ATP1A4: variants seen among roughly 807,000 people sequenced by gnomAD.
ATP1A4 encodes the protein sodium/potassium-transporting ATPase subunit alpha-4.
A neutral mutation model predicts 114.3 loss-of-function variants in ATP1A4; 90 were observed. The observed-to-expected ratio is 0.79, with a 90% CI of 0.66 to 0.94. ATP1A4 has a LOEUF of 0.94. Ranked by LOEUF, ATP1A4 falls within the 40% of genes least tolerant of loss-of-function variation. The pLI is 0.00. For missense variants in ATP1A4, 1,222 were observed against 1,313.6 expected, an observed-to-expected ratio of 0.93 and a Z score of 1.08; for synonymous variants, 511 against 494.1, an observed-to-expected ratio of 1.03 and a Z score of -0.45.
rs1347144668 is a variant in ATP1A4, at chr1:160,171,568, C to A, written c.1682-17C>A. 2 of 1,611,326 alleles carry A rather than the reference C, an allele frequency of 1.2e-6. No homozygotes were observed. Among genetic ancestry groups the A allele is most frequent in the African/African-American group, 1.3e-5 (1 of 74,820 alleles). ...AGTGCTGGATGACTACTGGTCCCTC[C>A]CTCTGTCTCTCTCCAGGCTTCTGCT... On this transcript the variant is annotated splice_polypyrimidine_tract_variant and intron_variant, in intron 11 of 21. Transcript: ENST00000368081.
chr1:160,186,145 A>G (rs1653885155), intron 20 of ATP1A4, 131 bp from the exon 21 acceptor site: 1 of 662,060 alleles, frequency 1.5e-6, no homozygotes, highest in East Asian at 3.3e-5. Context: ...CACTGTCTCC[A>G]GCACCCAGCA....
At chr1:160,180,680 C>T (rs1180630354) in intron 18 of ATP1A4, among the ~76,000 whole-genome samples, 1 of 145,940 alleles carries the variant, frequency 6.9e-6, no homozygotes, top group East Asian at 2.0e-4. Context: ...TATCCCCTGA[C>T]TCTGCCTTCT....
intron 6 of ATP1A4, among the ~76,000 whole-genome samples, chr1:160,162,602 G>A (rs1043099507): frequency 3.9e-5 from 6 of 152,208 alleles, no homozygotes; most frequent in African/African-American, 1.4e-4. Context: ...GTGGCAGGAT[G>A]TTTAACAGCA....
chr1:160,166,292 C>T (rs1238630802), intron 7 of ATP1A4, among the ~76,000 whole-genome samples: 1 of 152,080 alleles, frequency 6.6e-6, no homozygotes, highest in Non-Finnish European at 1.5e-5. Flanking sequence ...CAGAAAAAGA[C>T]ATTTTTTTTA....
chr1:160,186,662 C>G lies in ATP1A4; in HGVS notation c.3062-9C>G, dbSNP rs750771752. ...CTCCCAGTTCACGCTGGCCTCTTCTCTTCCACAGGCTGGGTGGAAAGGGAG... is the reference window on the plus strand; with the variant it reads ...CTCCCAGTTCACGCTGGCCTCTTCTGTTCCACAGGCTGGGTGGAAAGGGAG... On this transcript the variant is annotated splice_polypyrimidine_tract_variant and intron_variant, in intron 21 of 21. Transcript: ENST00000368081. 3.1e-6 allele frequency: 5 copies of G among 1,609,716 alleles called. No homozygotes were observed. In the African/African-American group the frequency reaches 5.3e-5, roughly 17 times the overall value.
Position 160,153,155 on chromosome 1 carries a change from G to A in ATP1A4, c.148-10G>A, listed in dbSNP as rs371935278. On this transcript the variant is annotated splice_polypyrimidine_tract_variant and intron_variant, in intron 1 of 21. Transcript: ENST00000368081. ...CCCCCTGTCCCTCAATGCCTCTACTGTCCCCTCAGGATGATCACAAATTAA... is the reference window on the plus strand; with the variant it reads ...CCCCCTGTCCCTCAATGCCTCTACTATCCCCTCAGGATGATCACAAATTAA... The A allele has an allele frequency of 1.2e-6, 2 of 1,613,370 alleles. No individual in the cohort carries two copies. Among genetic ancestry groups the A allele is most frequent in the African/African-American group, 1.3e-5 (1 of 74,858 alleles).
intron 2 of ATP1A4, 22 bp from the exon 3 acceptor site, chr1:160,155,023 A>G (rs199946625): frequency 1.2e-6 from 2 of 1,609,022 alleles, no homozygotes; most frequent in African/African-American, 2.7e-5. Flanking sequence ...TCTCTATCCA[A>G]CCCTATTTCT....
At chr1:160,185,453 A>G (rs1172510563) in intron 20 of ATP1A4, among the ~76,000 whole-genome samples, 2 of 150,252 alleles carry the variant, frequency 1.3e-5, no homozygotes, top group Admixed American at 1.3e-4. Flanking sequence ...TCTCCTCTCC[A>G]CTCCCGATCA....
At chr1:160,183,999 C>T (rs1054185763) in intron 20 of ATP1A4, among the ~76,000 whole-genome samples, 10 of 146,112 alleles carry the variant, frequency 6.8e-5, no homozygotes, top group Non-Finnish European at 1.5e-4. Flanking sequence ...GTTGCCCAGG[C>T]TGGAGTGCAG....
rs370915731 is a variant in ATP1A4, at chr1:160,176,109, A to G, written c.2329A>G (p.Asn777Asp). 15 of 1,614,026 alleles carry G rather than the reference A, an allele frequency of 9.3e-6. No homozygotes were observed. In the African/African-American group the frequency reaches 1.6e-4, roughly 17 times the overall value. Residue 777 changes from asparagine to aspartate, a missense_variant, in exon 16 of 22, where the codon AAC (asparagine) becomes GAC (aspartate). By Grantham distance (23) the Asn-to-Asp change is conservative. Transcript: ENST00000368081. ...CTCCCCAGGCCGCCTGATCTTTGAC[A>G]ACCTGAAGAAATCCATCATGTACAC... Reference protein sequence around the residue: ...GVEEGRLIFDNLKKSIMYTLT... With the variant: ...GVEEGRLIFDDLKKSIMYTLT...
chr1:160,152,250 A>G, intron 1 of ATP1A4, 63 bp downstream of exon 1: 1 of 1,557,114 alleles, frequency 6.4e-7, no homozygotes, highest in Non-Finnish European at 8.7e-7. Flanking sequence ...ACCTATCTTT[A>G]ACATCTTACC....
chr1:160,155,099 G>C lies in ATP1A4; in HGVS notation c.262G>C (p.Val88Leu), dbSNP rs989540006. The C allele has an allele frequency of 1.2e-6, 2 of 1,613,816 alleles. No homozygotes were observed. The highest frequency in any genetic ancestry group is 1.1e-5 in the South Asian group (1 of 91,072). ...EILTRGGPNT[V>L]TPPPTTPEWV... ...CCTGACTCGAGGTGGACCCAATACT[G>C]TTACCCCACCCCCCACCACTCCAGA... is the stretch of plus-strand genomic sequence containing the variant. Residue 88 changes from valine (V) to leucine (L), a missense_variant, in exon 3 of 22, where the codon GTT becomes CTT. Physicochemically the swap from Val to Leu is conservative, Grantham distance 32. Transcript: ENST00000368081.
intron 18 of ATP1A4, among the ~76,000 whole-genome samples, chr1:160,180,297 T>C (rs1358467801): frequency 6.6e-6 from 1 of 152,200 alleles, no homozygotes; most frequent in Non-Finnish European, 1.5e-5. Context: ...CCACATCCCG[T>C]GGGGTTTGAT....
chr1:160,174,683 G>T lies in ATP1A4; in HGVS notation c.2247G>T (p.Lys749Asn), dbSNP rs1190159453. 8 of 1,614,192 alleles carry T rather than the reference G, an allele frequency of 5.0e-6. No homozygotes were observed. Among genetic ancestry groups the T allele is most frequent in the Non-Finnish European group, 5.9e-6 (7 of 1,180,048 alleles). The change falls in exon 15 of 22, where the codon AAG becomes AAT. Residue 749 changes from lysine to asparagine, a missense_variant. Coordinates refer to ENST00000368081, the MANE Select transcript of ATP1A4 (RefSeq NM_144699.4). ...GCATCTCTGGCTCTGACGTCTCTAAGCAGGCAGCCGACATGATCCTGCTGG... is the reference window on the plus strand; with the variant it reads ...GCATCTCTGGCTCTGACGTCTCTAATCAGGCAGCCGACATGATCCTGCTGG... The part of the protein sequence containing the change: ...AMGISGSDVS[K>N]QAADMILLDD...
intron 20 of ATP1A4, among the ~76,000 whole-genome samples, 190 bp from the exon 21 acceptor site, chr1:160,186,086 C>CAAAAAAAAAAAAAAA (rs527303426): frequency 0.065 from 2,133 of 32,716 alleles, 531 homozygotes; most frequent in Admixed American, 0.1. Context: ...GACTCTGTCG[C>CAAAAAAAAAAAAAAA]AAAAAAAAAA....
chr1:160,160,565 T>C (rs1331188449), intron 6 of ATP1A4, among the ~76,000 whole-genome samples: 1 of 152,184 alleles, frequency 6.6e-6, no homozygotes, highest in Non-Finnish European at 1.5e-5. Flanking sequence ...ATATTATAAA[T>C]ATTATCTCTA....
chr1:160,166,010 C>G, intron 7 of ATP1A4, among the ~76,000 whole-genome samples: 1 of 152,154 alleles, frequency 6.6e-6, no homozygotes, highest in East Asian at 1.9e-4. Context: ...TGGCTCACAT[C>G]TATAATCCCA....
chr1:160,178,533 G>C (rs141543230), intron 18 of ATP1A4, among the ~76,000 whole-genome samples: 101 of 152,050 alleles, frequency 6.6e-4, no homozygotes, highest in African/African-American at 2.3e-3. Context: ...AAATAAGCTG[G>C]GTATGGTCGT....
chr1:160,181,988 T>C lies in ATP1A4; in HGVS notation c.2926T>C (p.Tyr976His). 1 of 1,614,156 alleles carries C rather than the reference T, an allele frequency of 6.2e-7. No homozygotes were observed. The highest frequency in any genetic ancestry group is 8.5e-7 in the Non-Finnish European group (1 of 1,180,000). Residue 976 changes from tyrosine (Y) to histidine (H), a missense_variant, in exon 20 of 22, where the codon TAC (tyrosine) becomes CAC (histidine). Transcript: ENST00000368081. ...EETLLAAFLS[Y>H]TPGMDVALRM... ...GACACTCTTGGCTGCATTTCTGTCC[T>C]ACACTCCAGGCATGGACGTGGCCCT...
Sources: allele counts gnomAD v4.1 joint callset (sites outside exome capture counted in the v4.1 genomes callset), GRCh38; gene constraint gnomAD v4.1.1; transcripts MANE v1.5; gene names NCBI Gene and HGNC (gene_info 2026-07-23, HGNC 2026-07-21).